The following COL25A1 variants were observed in gnomAD, a reference collection of about 807,000 sequenced individuals.
COL25A1 encodes the protein collagen alpha-1(XXV) chain.
In COL25A1, 103 loss-of-function variants were observed where a neutral mutation model predicts 128.4. The ratio of observed to expected loss-of-function variants is 0.80; its 90% CI spans 0.68 to 0.94. The LOEUF (loss-of-function observed/expected upper bound fraction) is 0.94, where lower values mean the gene tolerates loss of function less well. Among genes scored for constraint, COL25A1 ranks in the 40% least tolerant of loss-of-function variants. The pLI, the probability that COL25A1 is intolerant of heterozygous loss-of-function variation, is 0.00. For missense variants in COL25A1, 745 were observed against 840.0 expected (o/e 0.89, Z 1.40); for synonymous variants, 279 against 277.2 (o/e 1.01, Z -0.06).
intron 31 of COL25A1, among the ~76,000 whole-genome samples, chr4:108,833,671 G>T (rs917458008): frequency 6.6e-6 from 1 of 152,148 alleles, no homozygotes; most frequent in Non-Finnish European, 1.5e-5. Context: ...TTCTGTGAGA[G>T]CTTTGTGATA....
intron 6 of COL25A1, among the ~76,000 whole-genome samples, chr4:108,998,383 A>C (rs1225588640): frequency 6.6e-6 from 1 of 152,204 alleles, no homozygotes; most frequent in Non-Finnish European, 1.5e-5. Flanking sequence ...AAAGAGAATA[A>C]AATACCTAGA....
At chr4:109,153,569 C>T (rs1445297784) in intron 3 of COL25A1, among the ~76,000 whole-genome samples, 1 of 152,144 alleles carries the variant, frequency 6.6e-6, no homozygotes, top group Non-Finnish European at 1.5e-5. Context: ...TACCACTCAT[C>T]TTCTCAATGA....
At chr4:109,072,948 T>C (rs145858236) in intron 3 of COL25A1, among the ~76,000 whole-genome samples, 1 of 152,196 alleles carries the variant, frequency 6.6e-6, no homozygotes, top group African/African-American at 2.4e-5. Context: ...TGGGATTTAA[T>C]GGCTTATTCC....
At chr4:108,970,050 C>T (rs1330609607) in intron 8 of COL25A1, among the ~76,000 whole-genome samples, 2 of 151,974 alleles carry the variant, frequency 1.3e-5, no homozygotes, top group Non-Finnish European at 2.9e-5. Context: ...TACAGGCACT[C>T]GCCACCACGC....
chr4:109,224,888 C>G (rs558242312), intron 3 of COL25A1, among the ~76,000 whole-genome samples: 104 of 152,194 alleles, frequency 6.8e-4, no homozygotes, highest in African/African-American at 2.5e-3. Context: ...TGCTGTGAGC[C>G]GAGATTGCGC....
intron 6 of COL25A1, among the ~76,000 whole-genome samples, chr4:109,006,503 G>A (rs771727538): frequency 1.4e-5 from 2 of 147,620 alleles, no homozygotes; most frequent in Non-Finnish European, 3.0e-5. Context: ...GCCTCCCAAA[G>A]TGTTGGGATT....
chr4:109,037,036 T>A (rs1476666393), intron 5 of COL25A1, among the ~76,000 whole-genome samples: 1 of 152,210 alleles, frequency 6.6e-6, no homozygotes, highest in Non-Finnish European at 1.5e-5. Flanking sequence ...TATGCTTTCA[T>A]GTGTCCTATA....
chr4:109,045,956 G>A (rs1331734532), intron 5 of COL25A1, among the ~76,000 whole-genome samples: 1 of 152,108 alleles, frequency 6.6e-6, no homozygotes, highest in East Asian at 1.9e-4. Context: ...TTTAATCAAG[G>A]AATATGATTT....
At chr4:108,831,947 G>T (rs1022815165) in intron 32 of COL25A1, among the ~76,000 whole-genome samples, 3 of 152,116 alleles carry the variant, frequency 2.0e-5, no homozygotes, top group African/African-American at 7.2e-5. Context: ...GTGCAGAAAA[G>T]AATACTTAGG....
intron 20 of COL25A1, among the ~76,000 whole-genome samples, chr4:108,867,405 C>T (rs1738070825): frequency 6.6e-6 from 1 of 152,230 alleles, no homozygotes; most frequent in Admixed American, 6.5e-5. Context: ...CTCTCACTCT[C>T]TCTTTTTATT....
intron 3 of COL25A1, among the ~76,000 whole-genome samples, chr4:109,111,753 T>C (rs1767045508): frequency 6.6e-6 from 1 of 152,194 alleles, no homozygotes; most frequent in Non-Finnish European, 1.5e-5. Flanking sequence ...TTTCATTCTG[T>C]AATTAATATG....
At chr4:109,107,477 T>G (rs1206235417) in intron 3 of COL25A1, among the ~76,000 whole-genome samples, 1 of 152,176 alleles carries the variant, frequency 6.6e-6, no homozygotes, top group African/African-American at 2.4e-5. Context: ...TTTCATCTAT[T>G]TTTACTGAGA....
At chr4:109,235,250 A>C (rs1223074517) in intron 3 of COL25A1, among the ~76,000 whole-genome samples, 1 of 152,170 alleles carries the variant, frequency 6.6e-6, no homozygotes, top group Non-Finnish European at 1.5e-5. Flanking sequence ...CAGTGGCCAG[A>C]GTCAGTGACA....
chr4:109,007,927 T>A (rs965609745), intron 6 of COL25A1, among the ~76,000 whole-genome samples: 8 of 152,242 alleles, frequency 5.3e-5, no homozygotes, highest in Non-Finnish European at 1.0e-4. Flanking sequence ...TGTGGCTGTA[T>A]ACTCAAGATT....
chr4:109,279,237 ATT>A (rs1237963135), intron 3 of COL25A1, among the ~76,000 whole-genome samples: 2 of 152,054 alleles, frequency 1.3e-5, no homozygotes, highest in Non-Finnish European at 2.9e-5. Flanking sequence ...TTACTGTAAG[ATT>A]TTCATAGTCA....
At chr4:108,829,762 G>C (rs1399665764) in intron 32 of COL25A1, among the ~76,000 whole-genome samples, 1 of 152,116 alleles carries the variant, frequency 6.6e-6, no homozygotes. Context: ...AGCTATTAAC[G>C]ACAATTCCAT....
chr4:109,065,537 C>T (rs543512007), intron 3 of COL25A1, among the ~76,000 whole-genome samples: 152 of 132,174 alleles, frequency 1.1e-3, no homozygotes, highest in African/African-American at 2.5e-3. Flanking sequence ...GCAGCACGCG[C>T]GCGCGCGCGT....
chr4:109,143,244 C>T (rs867939147), intron 3 of COL25A1, among the ~76,000 whole-genome samples: 1 of 152,242 alleles, frequency 6.6e-6, no homozygotes, highest in Non-Finnish European at 1.5e-5. Flanking sequence ...CCACTCTCTT[C>T]TGGCTCGCAG....
rs772866565 is a variant in COL25A1 at position 108,896,561 on chromosome 4, A to G, written c.906+106T>C. 1.3e-3 allele frequency: 1,112 copies of G among 875,400 alleles called. 8 individuals are homozygous for G. The highest frequency in any genetic ancestry group is 1.7e-3 in the Non-Finnish European group (872 of 525,594). The allele number at this position is 875,400 out of a possible 1,614,324, so 54.2% of individuals were successfully genotyped here. On this transcript the variant is annotated intron_variant, in intron 16 of 37. Transcript: ENST00000399132. ...TTGGAGAATGATCTCTGACCTTTTC[A>G]TATTAAGCAACTCTCACTCATCTCT...
Sources: gnomAD v4.1 joint callset for allele counts (sites outside exome capture counted in the v4.1 genomes callset) on GRCh38, gnomAD v4.1.1 for gene constraint, MANE v1.5 for transcripts, NCBI Gene and HGNC (gene_info 2026-07-23, HGNC 2026-07-21) for gene names.